The following CTNNA3 variants were observed in gnomAD, a reference collection of about 807,000 sequenced individuals.
The protein encoded by CTNNA3 is catenin alpha 3, also known as catenin alpha-3.
A neutral mutation model predicts 95.7 loss-of-function variants in CTNNA3; 76 were observed. The observed-to-expected ratio is 0.79, with a 90% CI of 0.66 to 0.96. CTNNA3 has a LOEUF of 0.96. Ranked by LOEUF, CTNNA3 falls within the 40% of genes least tolerant of loss-of-function variation. The pLI, the probability that CTNNA3 is intolerant of heterozygous loss-of-function variation, is 0.00. For synonymous variants in CTNNA3, 431 were observed against 374.4 expected (o/e 1.15, Z -1.74); for missense variants, 1,191 against 1,089.8 (o/e 1.09, Z -1.31).
intron 7 of CTNNA3, among the ~76,000 whole-genome samples, chr10:67,084,014 A>C (rs1857180495): frequency 6.6e-6 from 1 of 152,150 alleles, no homozygotes; most frequent in South Asian, 2.1e-4. Flanking sequence ...AGTTCAAGGA[A>C]GAGGTTCGTT....
chr10:66,437,168 G>T (rs541998533), intron 11 of CTNNA3, among the ~76,000 whole-genome samples: 84 of 152,066 alleles, frequency 5.5e-4, no homozygotes, highest in African/African-American at 1.9e-3. Context: ...TATGTGTCTT[G>T]GGGTTGCTCT....
chr10:65,972,469 G>A (rs1245861721), intron 16 of CTNNA3, among the ~76,000 whole-genome samples: 2 of 152,156 alleles, frequency 1.3e-5, no homozygotes, highest in Non-Finnish European at 2.9e-5. Context: ...TCCTGGAACT[G>A]AGACACGACT....
At chr10:67,006,980 C>A (rs191572608) in intron 7 of CTNNA3, among the ~76,000 whole-genome samples, 1 of 151,878 alleles carries the variant, frequency 6.6e-6, no homozygotes. Context: ...GTTTTTAGTA[C>A]AGATGGGGTT....
chr10:66,590,808 T>C (rs1435961507), intron 10 of CTNNA3, among the ~76,000 whole-genome samples: 4 of 151,520 alleles, frequency 2.6e-5, no homozygotes, highest in Admixed American at 6.6e-5. Context: ...CCATAAAATA[T>C]CTTCCTAACT....
At position 65,966,693 on chromosome 10, in the gene CTNNA3, C is replaced by T. The variant is rs762952337; in HGVS notation, c.2319G>A (p.Lys773=). The T allele has an allele frequency of 3.1e-6, 5 of 1,613,674 alleles. No homozygotes were observed. Among genetic ancestry groups the T allele is most frequent in the Non-Finnish European group, 3.4e-6 (4 of 1,179,710 alleles). ...QDLLAYLEQI[K]FYSHQLKICS... is the part of the protein sequence containing the mutation. ...AGATTTTCAGTTGGTGGGAGTAGAA[C>T]TTAATCTGTTCCAGGTAGGCCAACA... is the stretch of plus-strand genomic sequence containing the variant. Residue 773 remains lysine (K), a synonymous_variant, in exon 17 of 18, where the codon AAG becomes AAA. Transcript: ENST00000433211.
intron 10 of CTNNA3, among the ~76,000 whole-genome samples, chr10:66,604,386 G>C (rs1844041011): frequency 6.6e-6 from 1 of 152,158 alleles, no homozygotes; most frequent in Non-Finnish European, 1.5e-5. Flanking sequence ...CCGCTGTGGT[G>C]AATGTCCGCA....
At chr10:65,964,116 T>A (rs974924424) in intron 17 of CTNNA3, among the ~76,000 whole-genome samples, 1 of 152,210 alleles carries the variant, frequency 6.6e-6, no homozygotes, top group Non-Finnish European at 1.5e-5. Context: ...TGCTTTGGAA[T>A]CATGCTTGCC....
At chr10:67,043,844 TTC>T (rs1439226201) in intron 7 of CTNNA3, among the ~76,000 whole-genome samples, 2 of 151,870 alleles carry the variant, frequency 1.3e-5, no homozygotes, top group African/African-American at 4.8e-5. Context: ...CTACTTTTTT[TTC>T]TGTTTACTTC....
intron 15 of CTNNA3, among the ~76,000 whole-genome samples, chr10:66,022,359 G>A (rs1016968440): frequency 2.6e-5 from 4 of 152,028 alleles, no homozygotes; most frequent in Non-Finnish European, 5.9e-5. Flanking sequence ...CAACCTATGC[G>A]CAAAGTACAA....
chr10:66,317,514 A>T (rs1297648853), intron 12 of CTNNA3, among the ~76,000 whole-genome samples: 1 of 151,954 alleles, frequency 6.6e-6, no homozygotes, highest in African/African-American at 2.4e-5. Flanking sequence ...TTTACTAAAA[A>T]TACAAAAGAT....
At chr10:67,269,708 T>TA (rs1366208352) in intron 5 of CTNNA3, among the ~76,000 whole-genome samples, 5 of 152,130 alleles carry the variant, frequency 3.3e-5, no homozygotes, top group African/African-American at 1.2e-4. Context: ...TTAGTAGACA[T>TA]ATGGCAGGAG....
intron 17 of CTNNA3, among the ~76,000 whole-genome samples, chr10:65,944,904 T>TATC (rs1353312550): frequency 9.4e-5 from 14 of 148,848 alleles, no homozygotes; most frequent in East Asian, 7.9e-4. Flanking sequence ...ATCTATCATC[T>TATC]ATCTATCATC....
chr10:67,116,332 A>G (rs1175072316), intron 7 of CTNNA3, among the ~76,000 whole-genome samples: 3 of 152,116 alleles, frequency 2.0e-5, no homozygotes, highest in Non-Finnish European at 4.4e-5. Flanking sequence ...TTCCAAAAGC[A>G]ATGAATAGCA....
intron 5 of CTNNA3, among the ~76,000 whole-genome samples, chr10:67,228,822 T>C (rs943476778): frequency 6.6e-6 from 1 of 152,076 alleles, no homozygotes; most frequent in Non-Finnish European, 1.5e-5. Flanking sequence ...GAGATTGAAA[T>C]AGTAATTAAT....
At chr10:66,938,406 C>A (rs1847832499) in intron 7 of CTNNA3, among the ~76,000 whole-genome samples, 1 of 151,972 alleles carries the variant, frequency 6.6e-6, no homozygotes, top group Non-Finnish European at 1.5e-5. Context: ...ATATATGTAT[C>A]TTATTCTGTA....
intron 5 of CTNNA3, among the ~76,000 whole-genome samples, chr10:67,448,799 T>A (rs1846855305): frequency 6.7e-6 from 1 of 149,248 alleles, no homozygotes; most frequent in South Asian, 2.1e-4. Flanking sequence ...TGATAAAAAA[T>A]TACTATTTAT....
At chr10:67,170,665 G>A (rs981150300) in intron 7 of CTNNA3, among the ~76,000 whole-genome samples, 1 of 151,970 alleles carries the variant, frequency 6.6e-6, no homozygotes, top group African/African-American at 2.4e-5. Context: ...ATAACTACTG[G>A]GTACCAGGCT....
At chr10:66,914,695 G>A (rs1846395611) in intron 7 of CTNNA3, among the ~76,000 whole-genome samples, 1 of 152,174 alleles carries the variant, frequency 6.6e-6, no homozygotes. Flanking sequence ...TAGGATGGGA[G>A]TTGGGGGATC....
chr10:66,035,997 C>T (rs1322976697), intron 15 of CTNNA3, among the ~76,000 whole-genome samples: 2 of 152,076 alleles, frequency 1.3e-5, no homozygotes, highest in African/African-American at 4.8e-5. Context: ...CCCACATACC[C>T]ACTCACCCCA....
Sources: allele counts gnomAD v4.1 joint callset (sites outside exome capture counted in the v4.1 genomes callset), GRCh38; gene constraint gnomAD v4.1.1; transcripts MANE v1.5; gene names NCBI Gene and HGNC (gene_info 2026-07-23, HGNC 2026-07-21).